Variants in ARHGAP42 observed in about 807,000 individuals in gnomAD.
The protein encoded by ARHGAP42 is Rho GTPase activating protein 42, also known as rho GTPase-activating protein 42.
ARHGAP42 carries 63 observed loss-of-function variants against 125.0 expected under a neutral mutation model. That is an observed-to-expected ratio of 0.50 (90% confidence interval 0.41 to 0.62). The LOEUF is 0.62. Among genes scored for constraint, ARHGAP42 ranks in the 20% least tolerant of loss-of-function variants. ARHGAP42 has a pLI of 0.00. For missense variants in ARHGAP42, 766 were observed against 1,024.2 expected (o/e 0.75, Z 3.44); for synonymous variants, 339 against 351.0 (o/e 0.97, Z 0.38).
intron 3 of ARHGAP42, among the ~76,000 whole-genome samples, chr11:100,829,718 G>A (rs1446216832): frequency 1.3e-5 from 2 of 152,160 alleles, no homozygotes; most frequent in Non-Finnish European, 2.9e-5. Flanking sequence ...GTTTACGGTT[G>A]TATGTTATTT....
intron 17 of ARHGAP42, among the ~76,000 whole-genome samples, chr11:100,970,617 T>C (rs1175890264): frequency 6.6e-6 from 1 of 152,098 alleles, no homozygotes; most frequent in Non-Finnish European, 1.5e-5. Flanking sequence ...AGATTTGTTA[T>C]GATGCTAAAA....
intron 6 of ARHGAP42, among the ~76,000 whole-genome samples, chr11:100,930,627 A>G (rs17646129): frequency 0.092 from 14,060 of 152,250 alleles, 940 homozygotes; most frequent in Non-Finnish European, 0.13. Context: ...AGTTGGCTGC[A>G]TATAAAATGC....
chr11:100,890,791 G>GCCCT (rs1760104335), intron 4 of ARHGAP42, among the ~76,000 whole-genome samples: 1 of 152,196 alleles, frequency 6.6e-6, no homozygotes, highest in Non-Finnish European at 1.5e-5. Flanking sequence ...TTCTCACATA[G>GCCCT]TCCTTATGGC....
intron 6 of ARHGAP42, among the ~76,000 whole-genome samples, chr11:100,927,240 G>T (rs1867452143): frequency 6.6e-6 from 1 of 152,124 alleles, no homozygotes; most frequent in South Asian, 2.1e-4. Context: ...CCATCAGCTA[G>T]TATATAGATG....
chr11:100,929,701 T>G (rs1485020086), intron 6 of ARHGAP42, among the ~76,000 whole-genome samples: 1 of 152,238 alleles, frequency 6.6e-6, no homozygotes, highest in East Asian at 1.9e-4. Flanking sequence ...TTCATATATT[T>G]TCTTTCAAGA....
At chr11:100,745,792 A>G (rs1862289370) in intron 1 of ARHGAP42, among the ~76,000 whole-genome samples, 1 of 152,174 alleles carries the variant, frequency 6.6e-6, no homozygotes, top group Non-Finnish European at 1.5e-5. Context: ...TTCCTTTAAT[A>G]GCATCTCTAG....
At chr11:100,803,558 G>T (rs1310602148) in intron 3 of ARHGAP42, among the ~76,000 whole-genome samples, 1 of 152,174 alleles carries the variant, frequency 6.6e-6, no homozygotes. Context: ...GGATGGCTTG[G>T]TCAAAGCCCC....
At chr11:100,749,050 C>T (rs2120352636) in intron 1 of ARHGAP42, among the ~76,000 whole-genome samples, 1 of 152,220 alleles carries the variant, frequency 6.6e-6, no homozygotes, top group Admixed American at 6.5e-5. Context: ...CTGCCTCTCC[C>T]AGCGGCTTAT....
chr11:100,803,333 T>A (rs565547781), intron 3 of ARHGAP42, among the ~76,000 whole-genome samples: 41 of 152,106 alleles, frequency 2.7e-4, no homozygotes, highest in Non-Finnish European at 5.0e-4. Context: ...GAGATATAAA[T>A]TTAGGAGTTG....
At chr11:100,903,326 T>TA (rs1386190914) in intron 4 of ARHGAP42, among the ~76,000 whole-genome samples, 1 of 152,164 alleles carries the variant, frequency 6.6e-6, no homozygotes, top group African/African-American at 2.4e-5. Flanking sequence ...GTACTTGTTA[T>TA]AAGTTGTCTA....
rs1163249369 is a variant in ARHGAP42, at chr11:100,903,752, ATATG to A, written c.385-9693_385-9690del. Reference sequence around the variant, plus strand: ...TATATATATATATATATATATATATATATGTATGTAAAGGAAAGTTTATTAAGTT... The same window carrying A: ...TATATATATATATATATATATATATATATGTAAAGGAAAGTTTATTAAGTT... On this transcript the variant is annotated intron_variant, in intron 4 of 23. Coordinates refer to ENST00000298815, the MANE Select transcript of ARHGAP42 (RefSeq NM_152432.4). Among the ~76,000 whole-genome samples the A allele has an allele frequency of 1.2e-3, 147 of 125,578 alleles. 1 individual carries two copies. The highest frequency in any genetic ancestry group is 3.9e-3 in the African/African-American group (127 of 32,746). 82.4% of individuals were successfully genotyped at this position (125,578 alleles called of 152,430 possible).
chr11:100,747,005 G>C (rs931501581), intron 1 of ARHGAP42, among the ~76,000 whole-genome samples: 2 of 152,044 alleles, frequency 1.3e-5, no homozygotes, highest in Non-Finnish European at 2.9e-5. Context: ...CACAAGGTAG[G>C]GTCCTTCCCA....
intron 4 of ARHGAP42, among the ~76,000 whole-genome samples, chr11:100,888,030 C>T (rs867831356): frequency 6.6e-6 from 1 of 152,182 alleles, no homozygotes; most frequent in Non-Finnish European, 1.5e-5. Context: ...GTTACCTGCT[C>T]AAGCCCTGTA....
rs1175339630 is a variant in ARHGAP42, at chr11:100,687,631, A to C, written c.-48A>C. ...GCGGCCGCCGGCTGCCCCCGCCCTG[A>C]CCTCCGGCCCGGACGTGTCCGCGGC... is the stretch of plus-strand genomic sequence containing the variant. On this transcript the variant is annotated 5_prime_UTR_variant, in exon 1 of 24. Transcript: ENST00000298815. 1.5e-5 allele frequency: 19 copies of C among 1,288,158 alleles called. No homozygotes were observed. The highest frequency in any genetic ancestry group is 1.0e-4 in the Admixed American group (3 of 29,830). The allele number at this position is 1,288,158 out of a possible 1,614,324, so 79.8% of individuals were successfully genotyped here.
intron 10 of ARHGAP42, 86 bp from the exon 11 acceptor site, chr11:100,948,371 T>C: frequency 1.9e-6 from 2 of 1,049,808 alleles, no homozygotes; most frequent in Non-Finnish European, 2.7e-6. Flanking sequence ...TCTTAACTTT[T>C]TTTCTTCAAA....
At chr11:100,705,610 T>C (rs1861470407) in intron 1 of ARHGAP42, among the ~76,000 whole-genome samples, 1 of 152,200 alleles carries the variant, frequency 6.6e-6, no homozygotes, top group African/African-American at 2.4e-5. Context: ...ATGTTAAGAC[T>C]AGAGAGAAAT....
intron 1 of ARHGAP42, among the ~76,000 whole-genome samples, chr11:100,758,740 C>T (rs185284455): frequency 6.6e-6 from 1 of 152,120 alleles, no homozygotes; most frequent in South Asian, 2.1e-4. Context: ...TTCATTTGCT[C>T]AGCACAATGA....
chr11:100,892,537 G>A (rs545183), intron 4 of ARHGAP42, among the ~76,000 whole-genome samples: 121,139 of 152,016 alleles, frequency 0.8, 48,726 homozygotes, highest in East Asian at 1. Context: ...AGAGAGTTTG[G>A]TATAAAGAAA....
chr11:100,787,368 C>T (rs766700327), intron 2 of ARHGAP42, among the ~76,000 whole-genome samples: 9 of 152,062 alleles, frequency 5.9e-5, no homozygotes, highest in Non-Finnish European at 7.4e-5. Flanking sequence ...TCTTTCGCCA[C>T]GATTGTAAGT....
Sources: allele counts gnomAD v4.1 joint callset (sites outside exome capture counted in the v4.1 genomes callset), GRCh38; gene constraint gnomAD v4.1.1; transcripts MANE v1.5; gene names NCBI Gene and HGNC (gene_info 2026-07-23, HGNC 2026-07-21).